Variants in SV2C observed in about 807,000 individuals in gnomAD.
SV2C encodes the protein synaptic vesicle glycoprotein 2C, also known as solute carrier family 22 member B3.
A neutral mutation model predicts 79.7 loss-of-function variants in SV2C; 49 were observed. The observed-to-expected ratio is 0.61, with a 90% CI of 0.49 to 0.78. SV2C has a LOEUF of 0.78. SV2C is among the 30% of genes least tolerant of loss of function. The probability of loss-of-function intolerance (pLI) is 0.00; values close to 1 mark genes in which losing one functional copy is unlikely to be tolerated. For missense variants in SV2C, 833 were observed against 912.9 expected, an observed-to-expected ratio of 0.91 and a Z score of 1.13; for synonymous variants, 334 against 333.2, an observed-to-expected ratio of 1.00 and a Z score of -0.03.
At chr5:76,053,078 A>G in the SV2C span, among the ~76,000 whole-genome samples, 10 of 150,298 alleles carry the variant, frequency 6.7e-5, no homozygotes, top group African/African-American at 2.5e-4. Context: ...GAGGTTGTAC[A>G]AGACATCTTA....
At chr5:76,217,803 A>G (rs1363725750) in intron 4 of SV2C, among the ~76,000 whole-genome samples, 6 of 152,216 alleles carry the variant, frequency 3.9e-5, no homozygotes, top group African/African-American at 1.2e-4. Context: ...AGGTATTAAA[A>G]CAATACTGTA....
chr5:75,925,582 C>T, the SV2C span, among the ~76,000 whole-genome samples: 1 of 152,028 alleles, frequency 6.6e-6, no homozygotes, highest in African/African-American at 2.4e-5. Flanking sequence ...GTCCCAGGGA[C>T]ATCTGAGTCA....
chr5:76,068,152 C>T, the SV2C span, among the ~76,000 whole-genome samples: 1 of 152,048 alleles, frequency 6.6e-6, no homozygotes, highest in African/African-American at 2.4e-5. Flanking sequence ...ATGGGAATGC[C>T]CCCAGTGTTT....
the SV2C span, among the ~76,000 whole-genome samples, chr5:75,933,243 A>G: frequency 4.1e-4 from 63 of 152,202 alleles, no homozygotes; most frequent in Admixed American, 4.1e-3. Flanking sequence ...GTTCTCTTAT[A>G]TAGCATCCTA....
intron 2 of SV2C, among the ~76,000 whole-genome samples, chr5:76,144,194 AG>A (rs1330959923): frequency 6.6e-6 from 1 of 152,218 alleles, no homozygotes; most frequent in African/African-American, 2.4e-5. Flanking sequence ...AGGAATGAAG[AG>A]CTATTTATCA....
chr5:76,036,816 C>G, the SV2C span, among the ~76,000 whole-genome samples: 4 of 152,190 alleles, frequency 2.6e-5, no homozygotes, highest in Non-Finnish European at 4.4e-5. Flanking sequence ...GGGAAGTTCT[C>G]CTGCATAATA....
At chr5:76,095,429 A>G (rs549031997) in intron 1 of SV2C, among the ~76,000 whole-genome samples, 1 of 152,228 alleles carries the variant, frequency 6.6e-6, no homozygotes, top group African/African-American at 2.4e-5. Context: ...TTTAAAAAGA[A>G]ATTTGTCAAT....
chr5:75,877,261 T>C, the SV2C span, among the ~76,000 whole-genome samples: 814 of 152,170 alleles, frequency 5.3e-3, 1 homozygote, highest in Non-Finnish European at 7.9e-3. Context: ...TAAACATGTA[T>C]GCACCTAGAA....
the SV2C span, chr5:75,921,108 G>C: frequency 3.2e-4 from 260 of 807,266 alleles, 4 homozygotes; most frequent in South Asian, 4.0e-3. Context: ...AGGGCATTGT[G>C]CACGGAGTTG....
At chr5:76,130,182 AGC>A (rs370827421) in intron 1 of SV2C, among the ~76,000 whole-genome samples, 1,407 of 93,676 alleles carry the variant, frequency 0.015, 37 homozygotes, top group African/African-American at 0.058. Flanking sequence ...AAAAAAAAAG[AGC>A]TGGGGGAGAA....
the SV2C span, among the ~76,000 whole-genome samples, chr5:75,862,368 C>G: frequency 6.6e-6 from 1 of 152,138 alleles, no homozygotes; most frequent in African/African-American, 2.4e-5. Context: ...CTATGTGGAC[C>G]TAATGCCATT....
intron 2 of SV2C, among the ~76,000 whole-genome samples, chr5:76,164,286 G>A (rs1742978869): frequency 6.6e-6 from 1 of 152,134 alleles, no homozygotes. Context: ...CCTTTCAGAA[G>A]CTTATAAATT....
the SV2C span, among the ~76,000 whole-genome samples, chr5:75,968,859 A>C: frequency 6.6e-6 from 1 of 152,228 alleles, no homozygotes; most frequent in Non-Finnish European, 1.5e-5. Context: ...GAGCAACTTC[A>C]AGACACATAA....
intron 12 of SV2C, among the ~76,000 whole-genome samples, chr5:76,323,915 T>C (rs1004356492): frequency 1.3e-5 from 2 of 151,858 alleles, no homozygotes; most frequent in East Asian, 3.9e-4. Context: ...GGAGGGAACT[T>C]AGAGGATGGG....
At chr5:75,919,116 C>T in the SV2C span, among the ~76,000 whole-genome samples, 276 of 152,288 alleles carry the variant, frequency 1.8e-3, no homozygotes, top group Non-Finnish European at 3.0e-3. Context: ...CTTGTGATCC[C>T]AAAGCTTAGT....
chr5:76,111,521 A>G (rs1171195974), intron 1 of SV2C, among the ~76,000 whole-genome samples: 1 of 152,110 alleles, frequency 6.6e-6, no homozygotes, highest in Non-Finnish European at 1.5e-5. Context: ...TTCCATTTAG[A>G]GAGTGACCTA....
intron 3 of SV2C, among the ~76,000 whole-genome samples, chr5:76,200,296 T>C (rs1182687927): frequency 6.6e-6 from 1 of 152,226 alleles, no homozygotes; most frequent in Non-Finnish European, 1.5e-5. Context: ...ATTTAATTGG[T>C]ACAGGGCCTG....
At chr5:75,854,773 G>C in the SV2C span, among the ~76,000 whole-genome samples, 1 of 152,080 alleles carries the variant, frequency 6.6e-6, no homozygotes, top group Non-Finnish European at 1.5e-5. Context: ...ATCCTAAGAA[G>C]GCTGTGGTTA....
At chr5:76,185,235 C>T (rs1743875998) in intron 2 of SV2C, among the ~76,000 whole-genome samples, 1 of 152,194 alleles carries the variant, frequency 6.6e-6, no homozygotes. Flanking sequence ...TTGCAGGGTA[C>T]AGTTGCTGCT....
Sources: gnomAD v4.1 joint callset for allele counts (sites outside exome capture counted in the v4.1 genomes callset) on GRCh38, gnomAD v4.1.1 for gene constraint, MANE v1.5 for transcripts, NCBI Gene and HGNC (gene_info 2026-07-23, HGNC 2026-07-21) for gene names.